Variants in PRKCQ observed in about 807,000 individuals in gnomAD.
PRKCQ encodes protein kinase C theta, also known as protein kinase C theta type.
A neutral mutation model predicts 91.2 loss-of-function variants in PRKCQ; 41 were observed. The ratio of observed to expected loss-of-function variants is 0.45; its 90% CI spans 0.35 to 0.58. PRKCQ has a LOEUF of 0.58. Among genes scored for constraint, PRKCQ ranks in the 20% least tolerant of loss-of-function variants. The pLI, the probability that PRKCQ is intolerant of heterozygous loss-of-function variation, is 0.00. For synonymous variants in PRKCQ, 307 were observed against 316.9 expected, an observed-to-expected ratio of 0.97 and a Z score of 0.33; for missense variants, 673 against 896.5, an observed-to-expected ratio of 0.75 and a Z score of 3.18.
intron 16 of PRKCQ, among the ~76,000 whole-genome samples, chr10:6,435,669 C>T (rs1199891318): frequency 6.6e-6 from 1 of 152,196 alleles, no homozygotes; most frequent in African/African-American, 2.4e-5. Context: ...TGGGCCACAC[C>T]TAAAATACAC....
intron 1 of PRKCQ, among the ~76,000 whole-genome samples, chr10:6,569,344 G>C (rs1309584496): frequency 2.0e-5 from 3 of 151,830 alleles, no homozygotes; most frequent in African/African-American, 7.3e-5. Flanking sequence ...AAGTAGCTCA[G>C]AGATTGAGCA....
chr10:6,530,655 C>A (rs1389281537), intron 1 of PRKCQ, among the ~76,000 whole-genome samples: 1 of 152,260 alleles, frequency 6.6e-6, no homozygotes, highest in East Asian at 1.9e-4. Context: ...CAGATGCATG[C>A]GTTTAGGGCA....
At chr10:6,457,945 A>AG (rs1835102264) in intron 14 of PRKCQ, among the ~76,000 whole-genome samples, 1 of 134,448 alleles carries the variant, frequency 7.4e-6, no homozygotes, top group South Asian at 2.7e-4. Flanking sequence ...CCTTGATATC[A>AG]GGTTTTTTTT....
chr10:6,448,125 T>C (rs766251582), intron 15 of PRKCQ, among the ~76,000 whole-genome samples: 2 of 152,062 alleles, frequency 1.3e-5, no homozygotes, highest in African/African-American at 2.4e-5. Context: ...CACTTAGAGA[T>C]GAACTTTTAG....
At chr10:6,540,945 A>C (rs1429069377) in intron 1 of PRKCQ, among the ~76,000 whole-genome samples, 1 of 152,062 alleles carries the variant, frequency 6.6e-6, no homozygotes, top group African/African-American at 2.4e-5. Flanking sequence ...GAGCTTATTG[A>C]TTTGTGTTGT....
chr10:6,522,547 T>C (rs530456835), intron 1 of PRKCQ, among the ~76,000 whole-genome samples: 3 of 152,306 alleles, frequency 2.0e-5, no homozygotes, highest in Non-Finnish European at 2.9e-5. Context: ...ACAAATTCCA[T>C]ATAAATAGAA....
At chr10:6,580,306 G>A (rs1401628770), upstream of PRKCQ, 2 of 148,696 alleles carry the variant, frequency 1.3e-5, no homozygotes, top group Non-Finnish European at 3.0e-5. Flanking sequence ...TGGCGGGGCT[G>A]GCGGGGCTGG....
intron 1 of PRKCQ, among the ~76,000 whole-genome samples, chr10:6,524,904 A>C (rs1839142203): frequency 6.6e-6 from 1 of 152,198 alleles, no homozygotes; most frequent in Non-Finnish European, 1.5e-5. Flanking sequence ...GATGTAGGAC[A>C]CAGCCTTGCC....
Position 6,456,763 on chromosome 10 carries a change from T to C in PRKCQ, c.1558A>G (p.Ile520Val), listed in dbSNP as rs372724503. The C allele has an allele frequency of 1.2e-6, 2 of 1,614,190 alleles. No individual in the cohort carries two copies. Residue 520 changes from isoleucine (I) to valine (V), a missense_variant, in exon 15 of 18, where the codon ATC (isoleucine) becomes GTC (valine). By Grantham distance (29) the Ile-to-Val change is conservative (BLOSUM62 3). Coordinates refer to ENST00000263125, the MANE Select transcript of PRKCQ (RefSeq NM_006257.5). ...ILLDKDGHIK[I>V]ADFGMCKENM... is the part of the protein sequence containing the mutation. ...TCCTTGCACATTCCAAAATCCGCGA[T>C]CTTGATATGTCCATCTTTGTCTAAC...
intron 12 of PRKCQ, among the ~76,000 whole-genome samples, chr10:6,472,545 A>T (rs912644153): frequency 1.3e-5 from 2 of 152,214 alleles, no homozygotes; most frequent in African/African-American, 4.8e-5. Context: ...AGAATTCCTA[A>T]AATGCGTTTT....
At chr10:6,397,430 A>C in the PRKCQ span, among the ~76,000 whole-genome samples, 1 of 152,160 alleles carries the variant, frequency 6.6e-6, no homozygotes, top group African/African-American at 2.4e-5. Context: ...TTGTCATCAT[A>C]TTGTAGAGTT....
At chr10:6,470,956 T>C (rs1835927068) in intron 12 of PRKCQ, among the ~76,000 whole-genome samples, 1 of 149,754 alleles carries the variant, frequency 6.7e-6, no homozygotes, top group Admixed American at 6.7e-5. Context: ...GGCAGAGACC[T>C]GATAGCTACA....
At chr10:6,488,706 G>A (rs1311488496) in intron 8 of PRKCQ, among the ~76,000 whole-genome samples, 1 of 152,144 alleles carries the variant, frequency 6.6e-6, no homozygotes, top group Non-Finnish European at 1.5e-5. Flanking sequence ...TTACTAGACC[G>A]AGTATATAGG....
intron 1 of PRKCQ, among the ~76,000 whole-genome samples, chr10:6,562,773 C>G: frequency 6.6e-6 from 1 of 152,082 alleles, no homozygotes; most frequent in East Asian, 1.9e-4. Context: ...TGGCTTTAAA[C>G]AAGCTATTTA....
intron 12 of PRKCQ, among the ~76,000 whole-genome samples, chr10:6,470,624 A>G (rs564558739): frequency 3.0e-4 from 46 of 152,338 alleles, no homozygotes; most frequent in South Asian, 1.2e-3. Context: ...GGGGAGAGAC[A>G]AGGAGATGGA....
chr10:6,522,444 A>ATTTAGCT (rs1453474315), intron 1 of PRKCQ, among the ~76,000 whole-genome samples: 1 of 152,172 alleles, frequency 6.6e-6, no homozygotes, highest in African/African-American at 2.4e-5. Context: ...TGACTCACCT[A>ATTTAGCT]TTTAGCTAGG....
At chr10:6,577,189 T>C (rs1184807268) in intron 1 of PRKCQ, among the ~76,000 whole-genome samples, 1 of 152,212 alleles carries the variant, frequency 6.6e-6, no homozygotes, top group African/African-American at 2.4e-5. Context: ...TTGAGTGAGC[T>C]TTCCTAATTT....
chr10:6,544,768 G>A (rs1190764854), intron 1 of PRKCQ, among the ~76,000 whole-genome samples: 4 of 151,974 alleles, frequency 2.6e-5, no homozygotes, highest in East Asian at 1.9e-4. Flanking sequence ...CAACAGGCAC[G>A]TACCACCGCA....
At chr10:6,493,550 GA>G (rs1837435849) in intron 7 of PRKCQ, among the ~76,000 whole-genome samples, 1 of 152,170 alleles carries the variant, frequency 6.6e-6, no homozygotes, top group Non-Finnish European at 1.5e-5. Context: ...CCTGGGAGAA[GA>G]TAATATCACA....
Sources: allele counts gnomAD v4.1 joint callset (sites outside exome capture counted in the v4.1 genomes callset), GRCh38; gene constraint gnomAD v4.1.1; transcripts MANE v1.5; gene names NCBI Gene and HGNC (gene_info 2026-07-23, HGNC 2026-07-21).